Variants in HDAC9 observed in about 807,000 individuals in gnomAD.
The protein encoded by HDAC9 is histone deacetylase 9.
Under a neutral mutation model 139.4 loss-of-function variants are expected in HDAC9, and 41 were observed. That is an observed-to-expected ratio of 0.29 (90% CI 0.23 to 0.38). The LOEUF (loss-of-function observed/expected upper bound fraction) is 0.38, where lower values mean the gene tolerates loss of function less well. Ranked by LOEUF, HDAC9 falls within the 10% of genes least tolerant of loss-of-function variation. HDAC9 has a pLI of 1.00. For synonymous variants in HDAC9, 517 were observed against 476.2 expected, an observed-to-expected ratio of 1.09 and a Z score of -1.12; for missense variants, 1,147 against 1,297.0, an observed-to-expected ratio of 0.88 and a Z score of 1.78.
At chr7:18,993,419 G>A (rs1416094454) in intron 25 of HDAC9, among the ~76,000 whole-genome samples, 1 of 152,214 alleles carries the variant, frequency 6.6e-6, no homozygotes, top group African/African-American at 2.4e-5. Flanking sequence ...AAGTAAAACA[G>A]CTGGGACTTG....
intron 21 of HDAC9, among the ~76,000 whole-genome samples, chr7:18,867,040 A>G (rs549945564): frequency 5.3e-5 from 8 of 152,204 alleles, no homozygotes; most frequent in Non-Finnish European, 1.2e-4. Flanking sequence ...TTTAGCATCT[A>G]GTCACATGAT....
chr7:18,770,366 T>C (rs769114146), intron 16 of HDAC9, among the ~76,000 whole-genome samples: 1 of 152,064 alleles, frequency 6.6e-6, no homozygotes, highest in Non-Finnish European at 1.5e-5. Flanking sequence ...TGTAGTAAAA[T>C]AGATAATTAA....
At chr7:18,589,276 G>A (rs1296666483) in intron 3 of HDAC9, among the ~76,000 whole-genome samples, 4 of 152,104 alleles carry the variant, frequency 2.6e-5, no homozygotes, top group South Asian at 2.1e-4. Context: ...CCGTAATCCC[G>A]GCAGTTAGAG....
At chr7:18,229,278 G>T (rs1793285048) in intron 2 of HDAC9, among the ~76,000 whole-genome samples, 1 of 152,124 alleles carries the variant, frequency 6.6e-6, no homozygotes, top group Admixed American at 6.5e-5. Flanking sequence ...ACATATACAT[G>T]GTGTGGTAAC....
At chr7:18,587,342 T>G (rs867334119) in intron 3 of HDAC9, among the ~76,000 whole-genome samples, 18 of 152,282 alleles carry the variant, frequency 1.2e-4, no homozygotes, top group Middle Eastern at 3.4e-3. Flanking sequence ...AAAGGAAAAT[T>G]TAGCTTTTAA....
At chr7:18,594,811 A>G (rs1583845889) in intron 6 of HDAC9, among the ~76,000 whole-genome samples, 2 of 152,114 alleles carry the variant, frequency 1.3e-5, no homozygotes, top group Admixed American at 6.6e-5. Flanking sequence ...TGTTTGCCAA[A>G]TATAGTTCTT....
intron 1 of HDAC9, among the ~76,000 whole-genome samples, chr7:18,406,081 T>C (rs1787976847): frequency 1.3e-5 from 2 of 152,228 alleles, no homozygotes; most frequent in Admixed American, 1.3e-4. Context: ...ACAATTATGT[T>C]ACCTACAGTT....
intron 1 of HDAC9, among the ~76,000 whole-genome samples, chr7:18,476,169 A>G (rs1043445181): frequency 2.0e-5 from 3 of 152,112 alleles, no homozygotes; most frequent in Non-Finnish European, 2.9e-5. Context: ...AGCAGGTGTA[A>G]TGTTTATGCT....
intron 1 of HDAC9, among the ~76,000 whole-genome samples, chr7:18,452,072 A>T (rs1274399511): frequency 6.6e-6 from 1 of 152,176 alleles, no homozygotes; most frequent in African/African-American, 2.4e-5. Flanking sequence ...CGGAGTCAGC[A>T]TTTGAACTTC....
chr7:18,178,189 T>C (rs1237988936), intron 2 of HDAC9, among the ~76,000 whole-genome samples: 1 of 151,736 alleles, frequency 6.6e-6, no homozygotes, highest in Non-Finnish European at 1.5e-5. Context: ...GTTCAAGCAA[T>C]TCCCTTGCCT....
intron 22 of HDAC9, among the ~76,000 whole-genome samples, chr7:18,910,419 T>C (rs1185380455): frequency 6.6e-6 from 1 of 152,042 alleles, no homozygotes; most frequent in Non-Finnish European, 1.5e-5. Context: ...GTAACTTTAC[T>C]GAATTTGTCA....
intron 2 of HDAC9, among the ~76,000 whole-genome samples, chr7:18,506,873 G>T (rs1277782031): frequency 6.6e-6 from 1 of 151,924 alleles, no homozygotes; most frequent in Non-Finnish European, 1.5e-5. Flanking sequence ...TGCTGTTTGG[G>T]TATTACTACC....
chr7:18,611,779 C>T (rs1206263152), intron 6 of HDAC9, among the ~76,000 whole-genome samples: 1 of 151,972 alleles, frequency 6.6e-6, no homozygotes, highest in African/African-American at 2.4e-5. Context: ...AACTTCAGTC[C>T]AATGATGAAT....
At chr7:18,676,165 G>T (rs946323385) in intron 12 of HDAC9, among the ~76,000 whole-genome samples, 1 of 151,680 alleles carries the variant, frequency 6.6e-6, no homozygotes, top group African/African-American at 2.4e-5. Flanking sequence ...AGCCTATAGG[G>T]GGTTCTCTTG....
intron 13 of HDAC9, among the ~76,000 whole-genome samples, chr7:18,742,701 A>G (rs1233519924): frequency 4.0e-5 from 6 of 151,814 alleles, no homozygotes; most frequent in Non-Finnish European, 5.9e-5. Context: ...ATGTACATCT[A>G]GTAGTCCTTT....
upstream of HDAC9, among the ~76,000 whole-genome samples, chr7:18,288,358 C>T (rs1256571382): frequency 6.6e-6 from 1 of 152,166 alleles, no homozygotes; most frequent in Non-Finnish European, 1.5e-5. Context: ...TTCAGTTACT[C>T]TTATTTTCCT....
At chr7:18,750,647 A>G (rs1788361821) in intron 14 of HDAC9, among the ~76,000 whole-genome samples, 1 of 152,046 alleles carries the variant, frequency 6.6e-6, no homozygotes, top group Non-Finnish European at 1.5e-5. Context: ...GGTCAATTTT[A>G]GAGTTATCTT....
At chr7:18,934,217 C>T (rs923028609) in intron 22 of HDAC9, among the ~76,000 whole-genome samples, 6 of 151,826 alleles carry the variant, frequency 4.0e-5, no homozygotes, top group African/African-American at 1.5e-4. Flanking sequence ...TAAAAATATT[C>T]TTCAAAGTGA....
chr7:18,371,594 C>T (rs916792434), intron 1 of HDAC9, among the ~76,000 whole-genome samples: 2 of 152,114 alleles, frequency 1.3e-5, no homozygotes, highest in Non-Finnish European at 2.9e-5. Context: ...GAACTAATTA[C>T]ATTGAAAAGT....
Sources: allele counts gnomAD v4.1 joint callset (sites outside exome capture counted in the v4.1 genomes callset), GRCh38; gene constraint gnomAD v4.1.1; transcripts MANE v1.5; gene names NCBI Gene and HGNC (gene_info 2026-07-23, HGNC 2026-07-21).